The following PRKAR1B variants were observed in gnomAD, a reference collection of about 807,000 sequenced individuals.
PRKAR1B encodes protein kinase cAMP-dependent type I regulatory subunit beta, also known as cAMP-dependent protein kinase type I-beta regulatory subunit.
A neutral mutation model predicts 46.5 loss-of-function variants in PRKAR1B; 22 were observed. The ratio of observed to expected loss-of-function variants is 0.47; its 90% CI spans 0.34 to 0.68. PRKAR1B has a LOEUF of 0.68. Among genes scored for constraint, PRKAR1B ranks in the 30% least tolerant of loss-of-function variants. PRKAR1B has a pLI of 0.01. For synonymous variants in PRKAR1B, 259 were observed against 217.7 expected (o/e 1.19, Z -1.67); for missense variants, 445 against 535.6 (o/e 0.83, Z 1.67).
At chr7:659,483 C>T (rs988829597) in intron 4 of PRKAR1B, among the ~76,000 whole-genome samples, 2 of 152,170 alleles carry the variant, frequency 1.3e-5, no homozygotes, top group Non-Finnish European at 2.9e-5. Context: ...TGGCCGCACA[C>T]GCCGTCCCGA....
intron 7 of PRKAR1B, among the ~76,000 whole-genome samples, chr7:587,802 G>A (rs1780683991): frequency 6.6e-6 from 1 of 152,234 alleles, no homozygotes; most frequent in South Asian, 2.1e-4. Context: ...GAGGATGAAG[G>A]AAGGGAGATG....
intron 9 of PRKAR1B, among the ~76,000 whole-genome samples, chr7:561,387 GT>G (rs903088620): frequency 3.3e-5 from 5 of 152,196 alleles, no homozygotes; most frequent in Non-Finnish European, 7.3e-5. Context: ...GCATTTTTAT[GT>G]TTTTTTAAGC....
chr7:651,245 T>C (rs1311027797), intron 4 of PRKAR1B, among the ~76,000 whole-genome samples: 1 of 152,184 alleles, frequency 6.6e-6, no homozygotes, highest in East Asian at 1.9e-4. Context: ...GAGGGGTGAT[T>C]GCAAGGGGCA....
intron 1 of PRKAR1B, chr7:727,002 G>T: frequency 8.0e-7 from 1 of 1,248,604 alleles, no homozygotes; most frequent in Non-Finnish European, 1.0e-6. Flanking sequence ...GCTGCCGCGC[G>T]CTGGCAGTGC....
chr7:711,616 C>T, intron 1 of PRKAR1B, 89 bp from the exon 2 acceptor site: 2 of 1,187,184 alleles, frequency 1.7e-6, no homozygotes, highest in Non-Finnish European at 2.4e-6. Context: ...CAGGCTTCTC[C>T]CAGGAGCGTG....
At chr7:636,026 G>T (rs1332445473) in intron 4 of PRKAR1B, among the ~76,000 whole-genome samples, 2 of 37,394 alleles carry the variant, frequency 5.3e-5, no homozygotes, top group African/African-American at 2.2e-4. Context: ...GTCCTCCACC[G>T]GCCGCGCCCA....
chr7:678,126 C>G (rs973392626), intron 3 of PRKAR1B, among the ~76,000 whole-genome samples: 1 of 150,810 alleles, frequency 6.6e-6, no homozygotes, highest in African/African-American at 2.5e-5. Context: ...CAAAAATTAG[C>G]TGGGAAAGGT....
intron 1 of PRKAR1B, among the ~76,000 whole-genome samples, chr7:718,330 G>A (rs1056765586): frequency 6.5e-5 from 9 of 137,914 alleles, no homozygotes; most frequent in South Asian, 2.3e-4. Flanking sequence ...ATGTATGTAT[G>A]TATATATATA....
At chr7:553,827 G>A (rs750795815) in intron 9 of PRKAR1B, among the ~76,000 whole-genome samples, 3 of 152,364 alleles carry the variant, frequency 2.0e-5, no homozygotes, top group East Asian at 3.9e-4. Context: ...CAGCCAGACC[G>A]CTGCCCTGGC....
intron 4 of PRKAR1B, among the ~76,000 whole-genome samples, chr7:610,212 C>G (rs1583298453): frequency 6.6e-6 from 1 of 152,240 alleles, no homozygotes; most frequent in Admixed American, 6.5e-5. Context: ...TGACTCGAGG[C>G]TCACGTTCCA....
intron 3 of PRKAR1B, 32 bp downstream of exon 3, chr7:680,524 G>A (rs751697800): frequency 6.3e-7 from 1 of 1,581,410 alleles, no homozygotes; most frequent in Non-Finnish European, 8.6e-7. Context: ...CCGAGGCCTG[G>A]GGACAGGAAC....
At position 550,207 on chromosome 7, in the gene PRKAR1B, C is replaced by T. The variant is rs546346689; in HGVS notation, c.*223G>A. The T allele has an allele frequency of 1.8e-6, 1 of 560,272 alleles. No homozygotes were observed. The highest frequency in any genetic ancestry group is 3.2e-6 in the Non-Finnish European group (1 of 313,118). 34.7% of individuals were successfully genotyped at this position (560,272 alleles called of 1,614,324 possible). A position where few individuals can be genotyped will look rare whatever the true frequency, so the allele number is the denominator to read the frequency against. Reference sequence around the variant, plus strand: ...GGGGAGGAAGCTGGCCTGTCCCTTCCTTGATCTTGGGATGCATTTTGTCCG... The same window carrying T: ...GGGGAGGAAGCTGGCCTGTCCCTTCTTTGATCTTGGGATGCATTTTGTCCG... On this transcript the variant is annotated 3_prime_UTR_variant, in exon 11 of 11. Transcript: ENST00000537384.
chr7:628,646 AGGCGAT>A (rs1783550625), intron 4 of PRKAR1B, among the ~76,000 whole-genome samples: 1 of 152,212 alleles, frequency 6.6e-6, no homozygotes, highest in African/African-American at 2.4e-5. Context: ...CAGGCCGGCC[AGGCGAT>A]GGCGGGAAAA....
At chr7:706,888 C>A (rs753601934) in intron 2 of PRKAR1B, among the ~76,000 whole-genome samples, 4 of 152,222 alleles carry the variant, frequency 2.6e-5, no homozygotes, top group Non-Finnish European at 4.4e-5. Context: ...CAAACATGCA[C>A]CCTGCTTGGG....
chr7:687,921 C>G (rs1041164787), intron 2 of PRKAR1B, among the ~76,000 whole-genome samples: 1 of 149,410 alleles, frequency 6.7e-6, no homozygotes, highest in Non-Finnish European at 1.5e-5. Context: ...TATGATGAAA[C>G]CTCATCTCTA....
intron 2 of PRKAR1B, among the ~76,000 whole-genome samples, chr7:693,649 C>T (rs1033029214): frequency 6.6e-6 from 1 of 152,162 alleles, no homozygotes; most frequent in African/African-American, 2.4e-5. Flanking sequence ...TCCTCTCGAG[C>T]TGACGGACGT....
chr7:553,305 C>T (rs1013085033), intron 9 of PRKAR1B, among the ~76,000 whole-genome samples: 6 of 152,240 alleles, frequency 3.9e-5, no homozygotes, highest in East Asian at 1.9e-4. Context: ...GTAGCTCTGT[C>T]GCCGGCCCTG....
At chr7:677,904 C>T (rs1310675414) in intron 3 of PRKAR1B, among the ~76,000 whole-genome samples, 3 of 152,194 alleles carry the variant, frequency 2.0e-5, no homozygotes, top group African/African-American at 7.2e-5. Flanking sequence ...TCGCTCTAGG[C>T]TACAAATCTG....
At chr7:620,028 T>TC (rs1418753264) in intron 4 of PRKAR1B, among the ~76,000 whole-genome samples, 1 of 150,734 alleles carries the variant, frequency 6.6e-6, no homozygotes, top group Non-Finnish European at 1.5e-5. Context: ...TTTTTTTTTT[T>TC]TTTTTTTTAG....
Sources: allele counts gnomAD v4.1 joint callset (sites outside exome capture counted in the v4.1 genomes callset), GRCh38; gene constraint gnomAD v4.1.1; transcripts MANE v1.5; gene names NCBI Gene and HGNC (gene_info 2026-07-23, HGNC 2026-07-21).